Variants in RAB40C observed in about 807,000 individuals in gnomAD.
RAB40C encodes RAB40C, member RAS oncogene family.
A neutral mutation model predicts 28.1 loss-of-function variants in RAB40C; 8 were observed. The observed-to-expected ratio is 0.28, with a 90% CI of 0.17 to 0.51. RAB40C has a LOEUF of 0.51. RAB40C is among the 20% of genes least tolerant of loss of function. The pLI, the probability that RAB40C is intolerant of heterozygous loss-of-function variation, is 0.97. For synonymous variants in RAB40C, 201 were observed against 171.7 expected, an observed-to-expected ratio of 1.17 and a Z score of -1.34; for missense variants, 288 against 405.9, an observed-to-expected ratio of 0.71 and a Z score of 2.50.
rs368725618 is a variant in RAB40C, at chr16:618,188, C to G, written c.204-12C>G. 1 of 1,611,486 alleles carries G rather than the reference C, an allele frequency of 6.2e-7. No individual in the cohort carries two copies. The highest frequency in any genetic ancestry group is 2.2e-5 in the East Asian group (1 of 44,836). ...CCACAGTCCCGGCCCCTCCCCTCCCCGTATGTTTCAGGGACACGTCGGGCC... is the reference window on the plus strand; with the variant it reads ...CCACAGTCCCGGCCCCTCCCCTCCCGGTATGTTTCAGGGACACGTCGGGCC... On this transcript the variant is annotated splice_polypyrimidine_tract_variant and intron_variant, in intron 2 of 5. Transcript: ENST00000248139.
chr16:607,608 G>A (rs2036388809), intron 1 of RAB40C, among the ~76,000 whole-genome samples: 1 of 151,364 alleles, frequency 6.6e-6, no homozygotes, highest in Non-Finnish European at 1.5e-5. Flanking sequence ...TGGAGACCAC[G>A]GTGAAACCCC....
chr16:622,209 C>T (rs553847474), intron 3 of RAB40C, among the ~76,000 whole-genome samples: 74 of 152,288 alleles, frequency 4.9e-4, no homozygotes, highest in Non-Finnish European at 6.6e-4. Context: ...GGGAATTTAT[C>T]GTGTAGGTCG....
At chr16:598,570 A>G (rs2036182745) in intron 1 of RAB40C, among the ~76,000 whole-genome samples, 1 of 150,848 alleles carries the variant, frequency 6.6e-6, no homozygotes, top group Non-Finnish European at 1.5e-5. Flanking sequence ...ACAAAAAAAA[A>G]AAAAAAAAAA....
At chr16:605,870 C>T (rs2036351629) in intron 1 of RAB40C, among the ~76,000 whole-genome samples, 1 of 152,212 alleles carries the variant, frequency 6.6e-6, no homozygotes, top group Admixed American at 6.5e-5. Flanking sequence ...AAAGCAGTCA[C>T]ACAGTTTCTG....
In RAB40C at chr16:601,161, C is replaced by T. The variant is rs1412726768; in HGVS notation, c.142+10728C>T. On this transcript the variant is annotated intron_variant, in intron 1 of 5. Coordinates refer to ENST00000248139, the MANE Select transcript of RAB40C (RefSeq NM_021168.5). ...ACAGAGATAGAAGCTGTAGCTCCCA[C>T]GTGTGTGTGGAGCTGGTTTGACTTT... 3.9e-5 allele frequency among the ~76,000 whole-genome samples: 6 copies of T among 152,282 alleles called. No homozygotes were observed. The South Asian group carries it at 6.2e-4, about 16-fold the overall frequency.
At chr16:597,937 CAAAAAA>C (rs57539332) in intron 1 of RAB40C, among the ~76,000 whole-genome samples, 6 of 28,466 alleles carry the variant, frequency 2.1e-4, no homozygotes, top group Middle Eastern at 0.031. Context: ...CCCATCTCTA[CAAAAAA>C]AAAAAAAAAA....
chr16:605,945 G>A (rs1455270510), intron 1 of RAB40C, among the ~76,000 whole-genome samples: 1 of 152,192 alleles, frequency 6.6e-6, no homozygotes, highest in Non-Finnish European at 1.5e-5. Context: ...CCATGCTGAT[G>A]GCTGCAAGCT....
intron 1 of RAB40C, among the ~76,000 whole-genome samples, chr16:590,704 C>T (rs776850000): frequency 2.0e-5 from 3 of 152,070 alleles, no homozygotes; most frequent in Non-Finnish European, 2.9e-5. Context: ...GTCACGGGTC[C>T]GGGATCTCAG....
In RAB40C at chr16:620,835, C is replaced by A. The variant is rs969753589; in HGVS notation, c.264+2575C>A. ...CACCGCGGGCATCCCAGCCACCCCC[C>A]CCGACGGGCTCCACCGCAGGCATCC... On this transcript the variant is annotated intron_variant, in intron 3 of 5. Transcript: ENST00000248139. 1.4e-3 allele frequency among the ~76,000 whole-genome samples: 207 copies of A among 150,648 alleles called. 1 individual carries two copies. The highest frequency in any genetic ancestry group is 1.8e-3 in the Non-Finnish European group (124 of 67,470).
intron 1 of RAB40C, among the ~76,000 whole-genome samples, chr16:601,042 C>T (rs1405737545): frequency 6.6e-6 from 1 of 152,196 alleles, no homozygotes; most frequent in African/African-American, 2.4e-5. Flanking sequence ...AGCCTCCTTG[C>T]AGAGCCACCT....
At position 614,998 on chromosome 16, in the gene RAB40C, C is replaced by T. The variant is rs184852356; in HGVS notation, c.143-2210C>T. ...CCTGCAGTCATGGGCTGCTCACAGCCGTGGCCCTTTTGGCACAACCATTGT... is the reference window on the plus strand; with the variant it reads ...CCTGCAGTCATGGGCTGCTCACAGCTGTGGCCCTTTTGGCACAACCATTGT... On this transcript the variant is annotated intron_variant, in intron 1 of 5. Coordinates refer to ENST00000248139, the MANE Select transcript of RAB40C (RefSeq NM_021168.5). Among the ~76,000 whole-genome samples, 4 of 152,360 alleles carry T rather than the reference C, an allele frequency of 2.6e-5. 1 individual carries two copies. Among genetic ancestry groups the T allele is most frequent in the South Asian group, 4.1e-4 (2 of 4,828 alleles).
chr16:608,042 C>T (rs951092736), intron 1 of RAB40C, among the ~76,000 whole-genome samples: 14 of 152,136 alleles, frequency 9.2e-5, no homozygotes, highest in Non-Finnish European at 1.9e-4. Flanking sequence ...CCTCCACGCC[C>T]ATGTACTCAC....
At chr16:601,815 TAAAA>T (rs60094426) in intron 1 of RAB40C, among the ~76,000 whole-genome samples, 39 of 27,196 alleles carry the variant, frequency 1.4e-3, no homozygotes, top group Admixed American at 2.1e-3. Flanking sequence ...CAAAAAAAAG[TAAAA>T]AAAAAAAAAA....
rs2151070774 is a variant in RAB40C at position 610,257 on chromosome 16, T to C, written c.143-6951T>C. Among the ~76,000 whole-genome samples, 1 of 152,222 alleles carries C rather than the reference T, an allele frequency of 6.6e-6. No homozygotes were observed. Among genetic ancestry groups the C allele is most frequent in the South Asian group, 2.1e-4 (1 of 4,820 alleles). The stretch of plus-strand genomic sequence containing the variant: ...CAGAGCGCCTGTCCTGTGGAGCGGC[T>C]CTGACCAGGACAGTGCCGTGTGTCT... On this transcript the variant is annotated intron_variant, in intron 1 of 5. Transcript: ENST00000248139. This position sits in a 1 kb window ranked among gnomAD's most constrained non-coding sequence, Gnocchi z 4.6.
chr16:625,018 C>T (rs1456528935), intron 3 of RAB40C: 1 of 1,290,958 alleles, frequency 7.7e-7, no homozygotes, highest in East Asian at 5.5e-5. Context: ...TTGGAAAACT[C>T]AGAAATGCCC....
At chr16:607,911 C>T (rs1251089429) in intron 1 of RAB40C, among the ~76,000 whole-genome samples, 1 of 152,118 alleles carries the variant, frequency 6.6e-6, no homozygotes, top group Non-Finnish European at 1.5e-5. Flanking sequence ...AGACCCCTTC[C>T]TCCCCCTCCA....
At chr16:596,546 C>T (rs986902033) in intron 1 of RAB40C, 5 of 332,800 alleles carry the variant, frequency 1.5e-5, no homozygotes, top group African/African-American at 8.7e-5. Context: ...GGAAAGGTGT[C>T]GGCGTCCAGC....
At chr16:607,910 C>A (rs572022822) in intron 1 of RAB40C, among the ~76,000 whole-genome samples, 1 of 152,146 alleles carries the variant, frequency 6.6e-6, no homozygotes, top group South Asian at 2.1e-4. Flanking sequence ...CAGACCCCTT[C>A]CTCCCCCTCC....
rs767976095 is a variant in RAB40C, at chr16:590,582, G to C, written c.142+149G>C. On this transcript the variant is annotated intron_variant, in intron 1 of 5. Coordinates refer to ENST00000248139, the MANE Select transcript of RAB40C (RefSeq NM_021168.5). Reference sequence around the variant, plus strand: ...GGCTTCCAGACTCGGTAGCTCGGTGGCTGCGGGGTGCCCGTGCTCCAGTCC... The same window carrying C: ...GGCTTCCAGACTCGGTAGCTCGGTGCCTGCGGGGTGCCCGTGCTCCAGTCC... The C allele has an allele frequency of 7.4e-6, 8 of 1,081,286 alleles. 1 individual carries two copies. Among genetic ancestry groups the C allele is most frequent in the Non-Finnish European group, 9.9e-6 (8 of 810,536 alleles). 67.0% of individuals were successfully genotyped at this position (1,081,286 alleles called of 1,614,324 possible). A position where few individuals can be genotyped will look rare whatever the true frequency, so the allele number is the denominator to read the frequency against.
Sources: gnomAD v4.1 joint callset for allele counts (sites outside exome capture counted in the v4.1 genomes callset) on GRCh38, gnomAD v4.1.1 for gene constraint, Gnocchi (gnomAD v3.1) non-coding constraint, MANE v1.5 for transcripts, NCBI Gene and HGNC (gene_info 2026-07-23, HGNC 2026-07-21) for gene names.